TMEM132B: variants seen among roughly 807,000 people sequenced by gnomAD.
TMEM132B encodes transmembrane protein 132B.
In TMEM132B, 18 loss-of-function variants were observed where a neutral mutation model predicts 90.8. That is an observed-to-expected ratio of 0.20 (90% CI 0.14 to 0.29). TMEM132B has a LOEUF of 0.29. TMEM132B is among the 10% of genes least tolerant of loss of function. TMEM132B has a pLI of 1.00. For missense variants in TMEM132B, 1,096 were observed against 1,326.8 expected (o/e 0.83, Z 2.70); for synonymous variants, 504 against 523.3 (o/e 0.96, Z 0.50).
At chr12:125,353,386 T>C (rs978335960) in intron 2 of TMEM132B, among the ~76,000 whole-genome samples, 2 of 152,144 alleles carry the variant, frequency 1.3e-5, no homozygotes, top group Non-Finnish European at 2.9e-5. Context: ...GATATAGAGA[T>C]AATATTTTGG....
chr12:125,503,977 T>C (rs1592959973), intron 3 of TMEM132B, among the ~76,000 whole-genome samples: 1 of 152,218 alleles, frequency 6.6e-6, no homozygotes, highest in Non-Finnish European at 1.5e-5. Flanking sequence ...TTTAGAGTAA[T>C]TGGCCTATAA....
In TMEM132B at chr12:125,566,781, TTCTC is replaced by T. The variant is rs201522667; in HGVS notation, c.1294-17066_1294-17063del. 8.3e-3 allele frequency among the ~76,000 whole-genome samples: 1,262 copies of T among 151,924 alleles called. 25 individuals are homozygous for T. The highest frequency in any genetic ancestry group is 0.029 in the African/African-American group (1,215 of 41,350). The stretch of plus-strand genomic sequence containing the variant: ...CATGCAAGATCTAAGTCTTTTTTCA[TTCTC>T]TCTTTCTCGATTCCTCCTCCTTCTC... On this transcript the variant is annotated intron_variant, in intron 4 of 8. Transcript: ENST00000682704.
intron 7 of TMEM132B, among the ~76,000 whole-genome samples, chr12:125,651,437 T>C (rs1886917391): frequency 6.6e-6 from 1 of 152,218 alleles, no homozygotes. Context: ...GTTAAATTAT[T>C]TTCTAGCCAA....
chr12:125,547,999 T>C (rs1454834330), intron 4 of TMEM132B, among the ~76,000 whole-genome samples: 1 of 152,200 alleles, frequency 6.6e-6, no homozygotes, highest in Non-Finnish European at 1.5e-5. Flanking sequence ...ATTCCTGGTA[T>C]TGAGAGCCCT....
chr12:125,388,197 G>T (rs1390006680), intron 2 of TMEM132B, among the ~76,000 whole-genome samples: 1 of 152,190 alleles, frequency 6.6e-6, no homozygotes. Flanking sequence ...GGAGGCCAAG[G>T]TGAGTGGATC....
intron 4 of TMEM132B, among the ~76,000 whole-genome samples, chr12:125,519,951 G>A (rs541972449): frequency 2.0e-5 from 3 of 152,330 alleles, no homozygotes; most frequent in Non-Finnish European, 2.9e-5. Context: ...AGGGTTACAC[G>A]TTGGGAACAG....
At chr12:125,632,891 T>G (rs985679121) in intron 5 of TMEM132B, among the ~76,000 whole-genome samples, 6 of 152,166 alleles carry the variant, frequency 3.9e-5, no homozygotes, top group African/African-American at 1.4e-4. Context: ...TTAAATCTTC[T>G]TGGTGTTTTA....
intron 4 of TMEM132B, among the ~76,000 whole-genome samples, chr12:125,533,720 C>T (rs1364483541): frequency 1.3e-5 from 2 of 152,174 alleles, no homozygotes; most frequent in Non-Finnish European, 2.9e-5. Flanking sequence ...TGACTGGCTG[C>T]GTCCTCAGGC....
intron 4 of TMEM132B, among the ~76,000 whole-genome samples, chr12:125,535,519 T>C (rs929175906): frequency 2.0e-5 from 3 of 152,202 alleles, no homozygotes; most frequent in African/African-American, 7.2e-5. Context: ...GAAAGCTTTT[T>C]TGCCAGGAAC....
intron 1 of TMEM132B, among the ~76,000 whole-genome samples, chr12:125,259,591 T>C (rs1306236122): frequency 2.6e-5 from 4 of 152,176 alleles, no homozygotes; most frequent in African/African-American, 4.8e-5. Context: ...AAAAATGCTC[T>C]AAGAATTGGG....
intron 3 of TMEM132B, among the ~76,000 whole-genome samples, chr12:125,477,655 C>A (rs552394012): frequency 6.6e-6 from 1 of 152,158 alleles, no homozygotes; most frequent in South Asian, 2.1e-4. Flanking sequence ...ACATACTTAT[C>A]TGGGTATTTT....
chr12:125,552,823 C>G (rs1021871593), intron 4 of TMEM132B, among the ~76,000 whole-genome samples: 2 of 152,232 alleles, frequency 1.3e-5, no homozygotes, highest in Non-Finnish European at 2.9e-5. Context: ...GATGAAGCCA[C>G]TCTGCAATGC....
chr12:125,555,434 A>T (rs1162092227), intron 4 of TMEM132B, among the ~76,000 whole-genome samples: 2 of 151,414 alleles, frequency 1.3e-5, no homozygotes, highest in Non-Finnish European at 2.9e-5. Context: ...AAAAAAAAAG[A>T]GTGCATCATA....
At chr12:125,465,643 C>T (rs1472908492) in intron 3 of TMEM132B, among the ~76,000 whole-genome samples, 1 of 152,212 alleles carries the variant, frequency 6.6e-6, no homozygotes, top group Non-Finnish European at 1.5e-5. Context: ...CAGCCTCTGG[C>T]TCTTAGCTGC....
intron 2 of TMEM132B, among the ~76,000 whole-genome samples, chr12:125,401,583 G>T (rs1879322971): frequency 6.6e-6 from 1 of 152,148 alleles, no homozygotes; most frequent in South Asian, 2.1e-4. Context: ...AGGTGGAAAG[G>T]TTTAGAGACG....
chr12:125,545,635 G>A (rs115873522), intron 4 of TMEM132B, among the ~76,000 whole-genome samples: 1,849 of 152,258 alleles, frequency 0.012, 25 homozygotes, highest in African/African-American at 0.042. Context: ...TGATTAAGAC[G>A]GTTCAACGAT....
intron 3 of TMEM132B, among the ~76,000 whole-genome samples, chr12:125,448,608 A>G (rs1308022710): frequency 6.6e-6 from 1 of 152,244 alleles, no homozygotes; most frequent in Admixed American, 6.5e-5. Flanking sequence ...GTTCATTGAC[A>G]TTTAGTTTGT....
intron 1 of TMEM132B, among the ~76,000 whole-genome samples, chr12:125,275,670 A>T (rs747718557): frequency 6.6e-6 from 1 of 152,032 alleles, no homozygotes; most frequent in Non-Finnish European, 1.5e-5. Context: ...CTAGCTTTGG[A>T]GATTATTGTA....
At chr12:125,502,341 G>A (rs1882721962) in intron 3 of TMEM132B, among the ~76,000 whole-genome samples, 1 of 152,172 alleles carries the variant, frequency 6.6e-6, no homozygotes, top group Non-Finnish European at 1.5e-5. Flanking sequence ...AACTACAAAG[G>A]TTTATTTCTC....
Sources: allele counts gnomAD v4.1 joint callset (sites outside exome capture counted in the v4.1 genomes callset), GRCh38; gene constraint gnomAD v4.1.1; transcripts MANE v1.5; gene names NCBI Gene and HGNC (gene_info 2026-07-23, HGNC 2026-07-21).